The following FAM20C variants were observed in gnomAD, a reference collection of about 807,000 sequenced individuals.
The protein encoded by FAM20C is extracellular serine/threonine protein kinase FAM20C.
Under a neutral mutation model 51.5 loss-of-function variants are expected in FAM20C, and 40 were observed. That is an observed-to-expected ratio of 0.78 (90% CI 0.60 to 1.01). The LOEUF (loss-of-function observed/expected upper bound fraction) is 1.01, where lower values mean the gene tolerates loss of function less well. FAM20C is among the 50% of genes least tolerant of loss of function. The probability of loss-of-function intolerance (pLI) is 0.00; values close to 1 mark genes in which losing one functional copy is unlikely to be tolerated. For missense variants in FAM20C, 861 were observed against 844.7 expected, an observed-to-expected ratio of 1.02 and a Z score of -0.24; for synonymous variants, 406 against 380.6, an observed-to-expected ratio of 1.07 and a Z score of -0.78.
At chr7:201,015 G>A (rs965269327) in intron 2 of FAM20C, among the ~76,000 whole-genome samples, 6 of 152,202 alleles carry the variant, frequency 3.9e-5, no homozygotes, top group South Asian at 2.1e-4. Flanking sequence ...GTGGGCACCC[G>A]GGGTCTGGGA....
At chr7:206,634 C>T (rs888914402) in intron 2 of FAM20C, among the ~76,000 whole-genome samples, 11 of 147,560 alleles carry the variant, frequency 7.5e-5, no homozygotes, top group Middle Eastern at 3.5e-3. Flanking sequence ...CCCCTCGGCC[C>T]CGCACACGTG....
intron 3 of FAM20C, among the ~76,000 whole-genome samples, chr7:236,744 C>T (rs988049976): frequency 6.1e-5 from 9 of 147,960 alleles, no homozygotes; most frequent in South Asian, 2.2e-4. Flanking sequence ...TCTGGGGTCC[C>T]GGTGGCTGTC....
chr7:247,473 G>T (rs1788214196), intron 4 of FAM20C, among the ~76,000 whole-genome samples: 1 of 152,208 alleles, frequency 6.6e-6, no homozygotes, highest in Admixed American at 6.5e-5. Context: ...GGGCTAGTTG[G>T]AATGCAGAGT....
intron 3 of FAM20C, among the ~76,000 whole-genome samples, chr7:236,489 G>A (rs1270622928): frequency 6.6e-6 from 1 of 152,184 alleles, no homozygotes; most frequent in African/African-American, 2.4e-5. Context: ...GCGTTTACTG[G>A]CTGCAAAAAT....
Position 219,769 on chromosome 7 carries a change from G to A in FAM20C, c.863+10793G>A, listed in dbSNP as rs962948389. ...GGCTCACACTGGCTCTTCTCCTAGA[G>A]CCCATGAACTAAGGCTCGGGGAAAC... On this transcript the variant is annotated intron_variant, in intron 3 of 9. Coordinates refer to ENST00000313766, the MANE Select transcript of FAM20C (RefSeq NM_020223.4). Among the ~76,000 whole-genome samples the A allele has an allele frequency of 2.0e-5, 3 of 152,340 alleles. No homozygotes were observed. In the East Asian group the frequency reaches 5.8e-4, roughly 29 times the overall value.
At chr7:208,535 G>A (rs1183660427) in intron 2 of FAM20C, among the ~76,000 whole-genome samples, 1 of 125,308 alleles carries the variant, frequency 8.0e-6, no homozygotes, top group African/African-American at 2.6e-5. Flanking sequence ...TGTGTAGTGT[G>A]TGGGTGTGGT....
chr7:245,232 C>T (rs541106228), intron 3 of FAM20C, among the ~76,000 whole-genome samples: 6 of 152,338 alleles, frequency 3.9e-5, no homozygotes, highest in Admixed American at 6.5e-5. Context: ...GGAGCCCAGA[C>T]GGAACACAGT....
intron 1 of FAM20C, 187 bp downstream of exon 1, chr7:193,991 A>AG (rs949747021): frequency 1.7e-5 from 16 of 956,574 alleles, no homozygotes; most frequent in African/African-American, 6.8e-5. Context: ...CCTCCTTGGG[A>AG]GGGGCTGCCG....
At chr7:199,560 C>T (rs868314376) in intron 2 of FAM20C, among the ~76,000 whole-genome samples, 3 of 152,332 alleles carry the variant, frequency 2.0e-5, no homozygotes, top group Admixed American at 6.5e-5. Context: ...TAATGGAGAA[C>T]GATGCCTGCG....
Position 195,736 on chromosome 7 carries a change from G to T in FAM20C, c.784+4G>T. 6.3e-7 allele frequency: 1 copy of T among 1,594,252 alleles called. No individual in the cohort carries two copies. Among genetic ancestry groups the T allele is most frequent in the South Asian group, 1.1e-5 (1 of 88,136 alleles). On this transcript the variant is annotated splice_donor_region_variant and intron_variant, in intron 2 of 9. Transcript: ENST00000313766. ...TCCCAGAGGATCACCAGCGTGGGTAGGTGTCCTTGGGTGCACTCAGGGCCG... is the reference window on the plus strand; with the variant it reads ...TCCCAGAGGATCACCAGCGTGGGTATGTGTCCTTGGGTGCACTCAGGGCCG...
At chr7:194,008 C>G (rs1045363501) in intron 1 of FAM20C, 1 of 827,186 alleles carries the variant, frequency 1.2e-6, no homozygotes, top group Non-Finnish European at 1.7e-6. Flanking sequence ...GCCGGCTGGT[C>G]CGGGAGCTGT....
intron 3 of FAM20C, among the ~76,000 whole-genome samples, chr7:232,311 G>C (rs1787724679): frequency 6.6e-6 from 1 of 152,232 alleles, no homozygotes; most frequent in Non-Finnish European, 1.5e-5. Flanking sequence ...CATGTGTCCA[G>C]TGGAGAGAAC....
rs140927262 is a variant in FAM20C at position 244,813 on chromosome 7, C to T, written c.864-1602C>T. ...TGTCAAGGCGAATATTATGTGGGAT[C>T]GTGGAAAGTGGTCTGTTCTCAGAGT... On this transcript the variant is annotated intron_variant, in intron 3 of 9. Coordinates refer to ENST00000313766, the MANE Select transcript of FAM20C (RefSeq NM_020223.4). Among the ~76,000 whole-genome samples, 466 of 152,356 alleles carry T rather than the reference C, an allele frequency of 3.1e-3. 4 individuals carry two copies. Among genetic ancestry groups the T allele is most frequent in the African/African-American group, 0.011 (440 of 41,572 alleles).
chr7:233,534 C>T (rs988427115), intron 3 of FAM20C, among the ~76,000 whole-genome samples: 1 of 152,186 alleles, frequency 6.6e-6, no homozygotes, highest in Non-Finnish European at 1.5e-5. Context: ...AGGCTGAGCT[C>T]CCCCGGGAGG....
intron 5 of FAM20C, among the ~76,000 whole-genome samples, chr7:251,514 C>T (rs573714412): frequency 1.3e-5 from 2 of 148,708 alleles, no homozygotes; most frequent in East Asian, 1.9e-4. Flanking sequence ...AGTGAGACCC[C>T]GTCTCAAAAA....
At chr7:213,089 C>T (rs960831533) in intron 3 of FAM20C, among the ~76,000 whole-genome samples, 1 of 152,062 alleles carries the variant, frequency 6.6e-6, no homozygotes, top group East Asian at 1.9e-4. Context: ...GTGAGTGACA[C>T]GTTTCCAAGG....
intron 3 of FAM20C, among the ~76,000 whole-genome samples, chr7:210,258 G>C (rs768057402): frequency 6.6e-6 from 1 of 152,050 alleles, no homozygotes; most frequent in African/African-American, 2.4e-5. Flanking sequence ...TTCCTTCCCC[G>C]TTTCTGTGCG....
intron 2 of FAM20C, among the ~76,000 whole-genome samples, chr7:200,006 A>G (rs991115156): frequency 6.6e-6 from 1 of 152,228 alleles, no homozygotes; most frequent in Non-Finnish European, 1.5e-5. Flanking sequence ...AAAGTTCTTG[A>G]CACTGATTGA....
In FAM20C at chr7:259,970, C is replaced by A. The variant is rs537240435; in HGVS notation, c.1745C>A (p.Ser582Ter). The A allele has an allele frequency of 2.6e-6, 4 of 1,514,452 alleles. No homozygotes were observed. The highest frequency in any genetic ancestry group is 1.4e-5 in the African/African-American group (1 of 72,624). 93.8% of individuals were successfully genotyped at this position (1,514,452 alleles called of 1,614,324 possible). Reference sequence around the variant, plus strand: ...CTGGACACTGAGCACAGAGCCGCCTCGGCGAGGTAGTGTCCGCCGGCCGCT... The same window carrying A: ...CTGGACACTGAGCACAGAGCCGCCTAGGCGAGGTAGTGTCCGCCGGCCGCT... ...DDLDTEHRAA[S>*]AR Residue 582 changes from serine to a stop codon, truncating the protein, a stop_gained, in exon 10 of 10, where the codon TCG becomes TAG. Transcript: ENST00000313766. LOFTEE classifies it high-confidence loss of function.
Sources: gnomAD v4.1 joint callset for allele counts (sites outside exome capture counted in the v4.1 genomes callset) on GRCh38, gnomAD v4.1.1 for gene constraint, MANE v1.5 for transcripts, NCBI Gene and HGNC (gene_info 2026-07-23, HGNC 2026-07-21) for gene names.